The following ADAMTS14 variants were observed in gnomAD, a reference collection of about 807,000 sequenced individuals.
ADAMTS14 encodes the protein ADAM metallopeptidase with thrombospondin type 1 motif 14, also known as A disintegrin and metalloproteinase with thrombospondin motifs 14.
ADAMTS14 carries 100 observed loss-of-function variants against 128.6 expected under a neutral mutation model. That is an observed-to-expected ratio of 0.78 (90% CI 0.66 to 0.92). ADAMTS14 has a LOEUF of 0.92. Among genes scored for constraint, ADAMTS14 ranks in the 40% least tolerant of loss-of-function variants. ADAMTS14 has a pLI of 0.00. For synonymous variants in ADAMTS14, 665 were observed against 653.8 expected (o/e 1.02, Z -0.26); for missense variants, 1,562 against 1,658.6 (o/e 0.94, Z 1.01).
rs1842083304 is a variant in ADAMTS14, at chr10:70,743,778, G to A, written c.2058+97G>A. On this transcript the variant is annotated intron_variant, in intron 13 of 21. Coordinates refer to ENST00000373207, the MANE Select transcript of ADAMTS14 (RefSeq NM_080722.4). ...CTGGGAAGATGAGCATTGCCTCACC[G>A]GCCCACTCGCAACACCCTGTTGGTC... 8.4e-6 allele frequency: 12 copies of A among 1,431,410 alleles called. No individual in the cohort carries two copies. In the South Asian group the frequency reaches 1.0e-4, roughly 12 times the overall value. The allele number at this position is 1,431,410 out of a possible 1,614,324, so 88.7% of individuals were successfully genotyped here. A position where few individuals can be genotyped will look rare whatever the true frequency, so the allele number is the denominator to read the frequency against.
intron 2 of ADAMTS14, among the ~76,000 whole-genome samples, chr10:70,677,554 G>A (rs779499517): frequency 6.6e-6 from 1 of 152,140 alleles, no homozygotes; most frequent in Non-Finnish European, 1.5e-5. Context: ...GAGGCTCTAG[G>A]AAGTGACTTG....
chr10:70,742,048 T>A (rs1842016582), intron 12 of ADAMTS14, among the ~76,000 whole-genome samples: 1 of 152,156 alleles, frequency 6.6e-6, no homozygotes, highest in African/African-American at 2.4e-5. Context: ...AACTGTCAGC[T>A]CTTCAGCTCT....
chr10:70,698,188 A>C (rs1379273474), intron 2 of ADAMTS14, among the ~76,000 whole-genome samples: 3 of 152,232 alleles, frequency 2.0e-5, no homozygotes, highest in Non-Finnish European at 4.4e-5. Context: ...TGGAAATTCA[A>C]TATGGCTGAT....
At chr10:70,741,296 T>C in intron 12 of ADAMTS14, 134 bp downstream of exon 12, 1 of 1,095,412 alleles carries the variant, frequency 9.1e-7, no homozygotes, top group Non-Finnish European at 1.3e-6. Flanking sequence ...AAAGGGACAC[T>C]GAAGTCAGCG....
At position 70,754,014 on chromosome 10, in the gene ADAMTS14, T is replaced by G; in HGVS notation, c.2937+7T>G. 6.5e-7 allele frequency: 1 copy of G among 1,546,282 alleles called. No individual in the cohort carries two copies. The highest frequency in any genetic ancestry group is 8.7e-7 in the Non-Finnish European group (1 of 1,148,322). Reference sequence around the variant, plus strand: ...GCTGGGAGCCTGGTCCCAGGTGACTTGTCCTCAGGAGGTGGGAGGGGCTTG... The same window carrying G: ...GCTGGGAGCCTGGTCCCAGGTGACTGGTCCTCAGGAGGTGGGAGGGGCTTG... On this transcript the variant is annotated splice_region_variant and intron_variant, in intron 19 of 21. Coordinates refer to ENST00000373207, the MANE Select transcript of ADAMTS14 (RefSeq NM_080722.4).
At chr10:70,689,324 A>T (rs1055289302) in intron 2 of ADAMTS14, among the ~76,000 whole-genome samples, 1 of 144,684 alleles carries the variant, frequency 6.9e-6, no homozygotes, top group Non-Finnish European at 1.6e-5. Flanking sequence ...TGCAGCACCA[A>T]CCAGTTCATC....
intron 4 of ADAMTS14, among the ~76,000 whole-genome samples, chr10:70,720,144 T>C (rs890234185): frequency 1.1e-4 from 16 of 152,196 alleles, no homozygotes; most frequent in African/African-American, 3.9e-4. Context: ...GACCAGCCTG[T>C]AGGCTCCAGG....
In ADAMTS14 at chr10:70,743,549, C is replaced by G; in HGVS notation, c.1926C>G (p.Asp642Glu). Reference sequence around the variant, plus strand: ...TCAGCATAGTCCCTCTCCCTACAGACGCCCAGAAGTGTGAGCTGATCTGCC... The same window carrying G: ...TCAGCATAGTCCCTCTCCCTACAGAGGCCCAGAAGTGTGAGCTGATCTGCC... Reference protein sequence around the residue: ...HSWVPYEPDDDAQKCELICQS... With the variant: ...HSWVPYEPDDEAQKCELICQS... The change falls in exon 13 of 22, where the codon GAC (aspartate) becomes GAG (glutamate). Residue 642 changes from aspartate to glutamate, a missense_variant and splice_region_variant. Asp to Glu is a conservative substitution (Grantham distance 45, BLOSUM62 2). Coordinates refer to ENST00000373207, the MANE Select transcript of ADAMTS14 (RefSeq NM_080722.4). 2 of 1,612,318 alleles carry G rather than the reference C, an allele frequency of 1.2e-6. No individual in the cohort carries two copies. The highest frequency in any genetic ancestry group is 1.7e-6 in the Non-Finnish European group (2 of 1,179,492).
intron 9 of ADAMTS14, among the ~76,000 whole-genome samples, chr10:70,735,861 C>T (rs1841811071): frequency 6.6e-6 from 1 of 152,196 alleles, no homozygotes; most frequent in Admixed American, 6.5e-5. Context: ...AGCTGCCACC[C>T]AGGGCCCAGG....
Position 70,758,200 on chromosome 10 carries a change from G to T in ADAMTS14, c.3093G>T (p.Arg1031Ser). ...GAAATCACCAGAACTCCACGGTGAGGGCCGATGTCTGGGAACTTGGGACGC... is the reference window on the plus strand; with the variant it reads ...GAAATCACCAGAACTCCACGGTGAGTGCCGATGTCTGGGAACTTGGGACGC... The part of the protein sequence containing the change: ...CGGNHQNSTV[R>S]ADVWELGTPE... The change falls in exon 21 of 22, where the codon AGG (arginine) becomes AGT (serine). Residue 1031 changes from arginine to serine, a missense_variant. Physicochemically the swap from Arg to Ser is moderately radical, Grantham distance 110 (BLOSUM62 -1). Coordinates refer to ENST00000373207, the MANE Select transcript of ADAMTS14 (RefSeq NM_080722.4). 1 of 1,614,220 alleles carries T rather than the reference G, an allele frequency of 6.2e-7. No homozygotes were observed. Among genetic ancestry groups the T allele is most frequent in the East Asian group, 2.2e-5 (1 of 44,886 alleles).
chr10:70,751,958 C>G, intron 17 of ADAMTS14, 137 bp from the exon 18 acceptor site: 1 of 1,293,006 alleles, frequency 7.7e-7, no homozygotes. Flanking sequence ...CAGAAAGTGA[C>G]GTGGGCAGGC....
intron 6 of ADAMTS14, among the ~76,000 whole-genome samples, chr10:70,731,064 C>CCACACA (rs56903140): frequency 0.05 from 7,246 of 145,726 alleles, 285 homozygotes; most frequent in African/African-American, 0.1. Flanking sequence ...GTTTTACACA[C>CCACACA]CACACACACA....
Position 70,743,490 on chromosome 10 carries a change from T to C in ADAMTS14, c.1925-58T>C, listed in dbSNP as rs1589327053. 3.8e-6 allele frequency: 6 copies of C among 1,590,242 alleles called. No individual in the cohort carries two copies. In the African/African-American group the frequency reaches 4.0e-5, roughly 11 times the overall value. On this transcript the variant is annotated intron_variant, in intron 12 of 21. Coordinates refer to ENST00000373207, the MANE Select transcript of ADAMTS14 (RefSeq NM_080722.4). ...TCTGGCTGGACCACATACTGATCTGTCCTGGGCCACTTTCTCTGAGCCCAG... is the reference window on the plus strand; with the variant it reads ...TCTGGCTGGACCACATACTGATCTGCCCTGGGCCACTTTCTCTGAGCCCAG...
intron 15 of ADAMTS14, among the ~76,000 whole-genome samples, chr10:70,747,266 C>T (rs1842206641): frequency 6.6e-6 from 1 of 152,054 alleles, no homozygotes; most frequent in Non-Finnish European, 1.5e-5. Context: ...AAACTGAAAC[C>T]CAAAGTGGAT....
intron 2 of ADAMTS14, among the ~76,000 whole-genome samples, chr10:70,687,209 C>T (rs1445859276): frequency 2.9e-5 from 3 of 102,730 alleles, no homozygotes; most frequent in African/African-American, 9.9e-5. Context: ...ACCTCCCTCC[C>T]GGACGGGGCG....
intron 12 of ADAMTS14, among the ~76,000 whole-genome samples, chr10:70,741,789 C>A (rs529728272): frequency 6.6e-6 from 1 of 152,242 alleles, no homozygotes; most frequent in South Asian, 2.1e-4. Flanking sequence ...GGTGCCAGTT[C>A]CCATCTATTT....
chr10:70,716,379 G>A (rs758668145), intron 4 of ADAMTS14, among the ~76,000 whole-genome samples: 51 of 152,184 alleles, frequency 3.4e-4, no homozygotes, highest in Non-Finnish European at 4.9e-4. Context: ...GATGGACTGC[G>A]GCTTAAAGGA....
chr10:70,676,252 G>A (rs560643341), intron 2 of ADAMTS14, among the ~76,000 whole-genome samples: 1 of 152,036 alleles, frequency 6.6e-6, no homozygotes, highest in Non-Finnish European at 1.5e-5. Flanking sequence ...CCATCCTTCT[G>A]CCTCCGCATC....
rs1842424877 is a variant in ADAMTS14 at position 70,754,101 on chromosome 10, GA to G, written c.2937+96del. The G allele has an allele frequency of 2.5e-5, 30 of 1,194,492 alleles. No homozygotes were observed. In the South Asian group the frequency reaches 4.2e-4, roughly 17 times the overall value. The allele number at this position is 1,194,492 out of a possible 1,614,324, so 74.0% of individuals were successfully genotyped here. On this transcript the variant is annotated intron_variant, in intron 19 of 21. Transcript: ENST00000373207. Reference sequence around the variant, plus strand: ...CCTGCAGGCAAGAGAGTTTCTGCCTGAATGGCTCCCCCTACATCAAATTTTG... The same window carrying G: ...CCTGCAGGCAAGAGAGTTTCTGCCTGATGGCTCCCCCTACATCAAATTTTG...
Sources: allele counts gnomAD v4.1 joint callset (sites outside exome capture counted in the v4.1 genomes callset), GRCh38; gene constraint gnomAD v4.1.1; transcripts MANE v1.5; gene names NCBI Gene and HGNC (gene_info 2026-07-23, HGNC 2026-07-21).